The following TIMM50 variants were observed in gnomAD, a reference collection of about 807,000 sequenced individuals.
TIMM50 encodes the protein translocase of inner mitochondrial membrane 50.
TIMM50 carries 34 observed loss-of-function variants against 49.6 expected under a neutral mutation model. That is an observed-to-expected ratio of 0.69 (90% CI 0.52 to 0.91). The LOEUF (loss-of-function observed/expected upper bound fraction) is 0.91, where lower values mean the gene tolerates loss of function less well. TIMM50 is among the 40% of genes least tolerant of loss of function. The pLI is 0.00. For synonymous variants in TIMM50, 199 were observed against 198.4 expected (o/e 1.00, Z -0.03); for missense variants, 458 against 477.8 (o/e 0.96, Z 0.39).
chr19:39,489,299 T>C (rs960727799), intron 10 of TIMM50, among the ~76,000 whole-genome samples: 2 of 152,016 alleles, frequency 1.3e-5, no homozygotes, highest in Non-Finnish European at 2.9e-5. Flanking sequence ...GGTTTGGACC[T>C]GGGATCTCAC....
At chr19:39,488,484 C>T (rs2079522640) in intron 9 of TIMM50, 55 bp from the exon 10 acceptor site, 2 of 1,531,360 alleles carry the variant, frequency 1.3e-6, no homozygotes, top group African/African-American at 2.7e-5. Flanking sequence ...CTCATGGGCC[C>T]TGCCTCCCTC....
intron 1 of TIMM50, chr19:39,481,413 A>C: frequency 8.7e-6 from 2 of 230,328 alleles, no homozygotes; most frequent in Non-Finnish European, 8.5e-6. Flanking sequence ...TTAGTTCCCC[A>C]AGCCCCAGAC....
At chr19:39,482,775 G>T (rs2079481208) in intron 2 of TIMM50, 110 bp from the exon 3 acceptor site, 1 of 1,462,090 alleles carries the variant, frequency 6.8e-7, no homozygotes, top group South Asian at 1.2e-5. Flanking sequence ...AGGAGGCTGT[G>T]CCTCTCTCTT....
At position 39,492,781 on chromosome 19, in the gene TIMM50, G is replaced by A. The variant is rs968658678; in HGVS notation, c.*2961G>A. On this transcript the variant is annotated 3_prime_UTR_variant, in exon 11 of 11. Transcript: ENST00000607714. ...AGCTACTTGGGAGGCTGAGGCAGGA[G>A]AATCGATTAAACCCAGGAGGCAGAG... is the stretch of plus-strand genomic sequence containing the variant. The A allele has an allele frequency of 7.7e-6, 1 of 129,836 alleles. No homozygotes were observed. Among genetic ancestry groups the A allele is most frequent in the Non-Finnish European group, 1.6e-5 (1 of 64,284 alleles). The allele number at this position is 129,836 out of a possible 1,614,324, so 8.0% of individuals were successfully genotyped here. A position where few individuals can be genotyped will look rare whatever the true frequency, so the allele number is the denominator to read the frequency against.
In TIMM50 at chr19:39,486,210, G is replaced by A. The variant is rs1490219706; in HGVS notation, c.516G>A (p.Lys172=). The change falls in exon 7 of 11, where the codon AAG becomes AAA. Residue 172 remains lysine, a synonymous_variant. Coordinates refer to ENST00000607714, the MANE Select transcript of TIMM50 (RefSeq NM_001001563.5). ...AGCTGGCCACTGGCTGGAGGTTTAA[G>A]AAGCGCCCAGGCATCGAGACCTTGT... The part of the protein sequence containing the change: ...EWSLATGWRF[K]KRPGIETLFQ... The A allele has an allele frequency of 3.7e-6, 6 of 1,614,054 alleles. No homozygotes were observed. Among genetic ancestry groups the A allele is most frequent in the South Asian group, 1.1e-5 (1 of 91,088 alleles).
Position 39,482,085 on chromosome 19 carries a change from A to T in TIMM50, c.259+52A>T, listed in dbSNP as rs777349453. 1.9e-6 allele frequency: 3 copies of T among 1,589,408 alleles called. No individual in the cohort carries two copies. The South Asian group carries it at 3.4e-5, about 18-fold the overall frequency. ...TTTTGTTCCTTGGCCTCCCTGGTCCACTGTGGAACCTCCCACTCTTGCCCA... is the reference window on the plus strand; with the variant it reads ...TTTTGTTCCTTGGCCTCCCTGGTCCTCTGTGGAACCTCCCACTCTTGCCCA... On this transcript the variant is annotated intron_variant, in intron 2 of 10. Coordinates refer to ENST00000607714, the MANE Select transcript of TIMM50 (RefSeq NM_001001563.5).
In TIMM50 at chr19:39,485,738, A is replaced by G; in HGVS notation, c.423A>G (p.Glu141=). The G allele has an allele frequency of 6.2e-7, 1 of 1,614,014 alleles. No individual in the cohort carries two copies. The highest frequency in any genetic ancestry group is 8.5e-7 in the Non-Finnish European group (1 of 1,179,978). ...GCCTTCTCCCAGACCCTCTGCAGGA[A>G]CCGTACTACCAGCCACCCTACACGC... is the stretch of plus-strand genomic sequence containing the variant. ...SPCLLPDPLQ[E]PYYQPPYTLV... The change falls in exon 6 of 11, where the codon GAA becomes GAG. Residue 141 remains glutamate (E), a synonymous_variant. Coordinates refer to ENST00000607714, the MANE Select transcript of TIMM50 (RefSeq NM_001001563.5).
chr19:39,481,043 G>A lies in TIMM50; in HGVS notation c.108+82G>A, dbSNP rs1402513435. 5 of 1,441,234 alleles carry A rather than the reference G, an allele frequency of 3.5e-6. No homozygotes were observed. The African/African-American group carries it at 7.2e-5, about 21-fold the overall frequency. 89.3% of individuals were successfully genotyped at this position (1,441,234 alleles called of 1,614,324 possible). A position where few individuals can be genotyped will look rare whatever the true frequency, so the allele number is the denominator to read the frequency against. On this transcript the variant is annotated intron_variant, in intron 1 of 10. Coordinates refer to ENST00000607714, the MANE Select transcript of TIMM50 (RefSeq NM_001001563.5). ...CATATCGCCGCCCCTTGGGGGTTCC[G>A]GGACGCCTCACCTCAGGGTGCTGAA...
chr19:39,486,583 A>G, intron 8 of TIMM50, 88 bp downstream of exon 8: 1 of 1,223,516 alleles, frequency 8.2e-7, no homozygotes, highest in Non-Finnish European at 1.2e-6. Flanking sequence ...CCCTAGCCTC[A>G]CCTGGCTTAT....
chr19:39,487,992 T>C, intron 8 of TIMM50, 69 bp from the exon 9 acceptor site: 2 of 1,550,742 alleles, frequency 1.3e-6, no homozygotes, highest in Middle Eastern at 1.7e-4. Context: ...ATGTTTTGTG[T>C]GTTTTGGGTC....
intron 7 of TIMM50, 39 bp downstream of exon 7, chr19:39,486,330 G>A (rs759926150): frequency 1.1e-5 from 18 of 1,612,774 alleles, no homozygotes; most frequent in Admixed American, 1.7e-5. Context: ...TTGGTGTGGT[G>A]GGAGGCGTAG....
At position 39,493,318 on chromosome 19, in the gene TIMM50, C is replaced by T. The variant is rs2079560483; in HGVS notation, c.*3498C>T. On this transcript the variant is annotated 3_prime_UTR_variant, in exon 11 of 11. Transcript: ENST00000607714. ...AGGCTGGAGTGCAGTGGGGCGATCT[C>T]GGCTCACTGCACCCTGCACCTCCTG... 1 of 151,730 alleles carries T rather than the reference C, an allele frequency of 6.6e-6. No homozygotes were observed. Among genetic ancestry groups the T allele is most frequent in the Non-Finnish European group, 1.5e-5 (1 of 67,978 alleles). The allele number at this position is 151,730 out of a possible 1,614,324, so 9.4% of individuals were successfully genotyped here.
chr19:39,486,305 G>A lies in TIMM50; in HGVS notation c.597+14G>A, dbSNP rs952217563. 1.2e-6 allele frequency: 2 copies of A among 1,613,784 alleles called. No individual in the cohort carries two copies. The highest frequency in any genetic ancestry group is 1.7e-6 in the Non-Finnish European group (2 of 1,179,818). ...GAGACTGGCATGGTGAGGCTCTGGGGCAGGGGAGGGAATATTGGTGTGGTG... is the reference window on the plus strand; with the variant it reads ...GAGACTGGCATGGTGAGGCTCTGGGACAGGGGAGGGAATATTGGTGTGGTG... On this transcript the variant is annotated intron_variant, in intron 7 of 10. Transcript: ENST00000607714.
intron 6 of TIMM50, 146 bp downstream of exon 6, chr19:39,485,953 C>A: frequency 7.6e-7 from 1 of 1,313,606 alleles, no homozygotes; most frequent in Non-Finnish European, 1.1e-6. Context: ...TGGGAGAAGG[C>A]AGTCATGCTA....
chr19:39,482,956 G>A (rs1431797063), intron 3 of TIMM50, 40 bp downstream of exon 3: 2 of 1,614,140 alleles, frequency 1.2e-6, no homozygotes, highest in Non-Finnish European at 8.5e-7. Context: ...AGGAGTCCTA[G>A]TCTGTGGGTG....
intron 4 of TIMM50, chr19:39,483,592 A>AC: frequency 5.8e-6 from 1 of 170,994 alleles, no homozygotes; most frequent in Non-Finnish European, 1.2e-5. Context: ...CAAATTGGAT[A>AC]GTAGAGAGTA....
Position 39,492,881 on chromosome 19 carries a change from A to AC in TIMM50, c.*3061_*3062insC, listed in dbSNP as rs1271861233. 4.8e-5 allele frequency: 7 copies of AC among 145,088 alleles called. No homozygotes were observed. Among genetic ancestry groups the AC allele is most frequent in the South Asian group, 2.1e-4 (1 of 4,714 alleles). The allele number at this position is 145,088 out of a possible 1,614,324, so 9.0% of individuals were successfully genotyped here. A position where few individuals can be genotyped will look rare whatever the true frequency, so the allele number is the denominator to read the frequency against. On this transcript the variant is annotated 3_prime_UTR_variant, in exon 11 of 11. Transcript: ENST00000607714. ...GTAAGGCTCTGTCTCCAAAAAAAAA[A>AC]AAAAAAAAAAACAAAAAAAAAACCA...
At position 39,489,746 on chromosome 19, in the gene TIMM50, T is replaced by TC. The variant is rs748359680; in HGVS notation, c.990dup (p.Lys331GlnfsTer86). ...GGAGCAGCAGCGCCTGGCCGAGCTC[T>TC]CCAAGTCCAACAAGCAGAACCTCTT... On this transcript the variant is annotated frameshift_variant, in exon 11 of 11. Coordinates refer to ENST00000607714, the MANE Select transcript of TIMM50 (RefSeq NM_001001563.5). LOFTEE classifies it high-confidence loss of function. The TC allele has an allele frequency of 1.9e-6, 3 of 1,611,432 alleles. No homozygotes were observed. Among genetic ancestry groups the TC allele is most frequent in the African/African-American group, 1.3e-5 (1 of 74,994 alleles).
rs2079483677 is a variant in TIMM50 at position 39,483,118 on chromosome 19, TTC to T, written c.292-11_292-10del. ...CTCTGACATCCTAAACCTTCCATTT[TTC>T]TCTCTACCTCCCAGATTCCTGATGA... On this transcript the variant is annotated splice_polypyrimidine_tract_variant and intron_variant, in intron 3 of 10. Transcript: ENST00000607714. The T allele has an allele frequency of 6.2e-7, 1 of 1,614,092 alleles. No homozygotes were observed. Among genetic ancestry groups the T allele is most frequent in the Non-Finnish European group, 8.5e-7 (1 of 1,180,038 alleles).
Sources: allele counts gnomAD v4.1 joint callset (sites outside exome capture counted in the v4.1 genomes callset), GRCh38; gene constraint gnomAD v4.1.1; transcripts MANE v1.5; gene names NCBI Gene and HGNC (gene_info 2026-07-23, HGNC 2026-07-21).